The following TMEM266 variants were observed in gnomAD, a reference collection of about 807,000 sequenced individuals.
The protein encoded by TMEM266 is transmembrane protein 266.
Under a neutral mutation model 50.5 loss-of-function variants are expected in TMEM266, and 33 were observed. The ratio of observed to expected loss-of-function variants is 0.65; its 90% CI spans 0.50 to 0.87. TMEM266 has a LOEUF of 0.87. TMEM266 is among the 40% of genes least tolerant of loss of function. The pLI, the probability that TMEM266 is intolerant of heterozygous loss-of-function variation, is 0.00. For synonymous variants in TMEM266, 310 were observed against 292.3 expected, an observed-to-expected ratio of 1.06 and a Z score of -0.62; for missense variants, 655 against 695.1, an observed-to-expected ratio of 0.94 and a Z score of 0.65.
At chr15:76,169,977 T>A in intron 6 of TMEM266, 105 bp downstream of exon 6, 3 of 1,212,220 alleles carry the variant, frequency 2.5e-6, no homozygotes, top group Non-Finnish European at 3.6e-6. Flanking sequence ...GAAGGCTGGT[T>A]CCTTCTCCCA....
intron 1 of TMEM266, among the ~76,000 whole-genome samples, chr15:76,110,540 GGTTCT>G (rs2037155775): frequency 6.6e-6 from 1 of 152,136 alleles, no homozygotes. Flanking sequence ...TAGTAAGTTG[GGTTCT>G]GTTCAGAGCA....
At chr15:76,078,971 T>A (rs927823980) in intron 1 of TMEM266, among the ~76,000 whole-genome samples, 7 of 152,198 alleles carry the variant, frequency 4.6e-5, no homozygotes, top group African/African-American at 1.7e-4. Flanking sequence ...GTCTCTGTCT[T>A]CCTAAGGCCC....
chr15:76,182,263 A>T (rs556249228), intron 8 of TMEM266, among the ~76,000 whole-genome samples: 1 of 152,156 alleles, frequency 6.6e-6, no homozygotes, highest in South Asian at 2.1e-4. Flanking sequence ...GGGAAATTGG[A>T]GGTAACAAGG....
chr15:76,167,417 C>T (rs1178007281), intron 5 of TMEM266, among the ~76,000 whole-genome samples: 2 of 150,124 alleles, frequency 1.3e-5, no homozygotes, highest in East Asian at 3.9e-4. Context: ...TTGCAGTGAG[C>T]CAAGATCGTG....
Position 76,160,280 on chromosome 15 carries a change from T to C in TMEM266, c.456+112T>C. 3 of 1,082,514 alleles carry C rather than the reference T, an allele frequency of 2.8e-6. No homozygotes were observed. The highest frequency in any genetic ancestry group is 4.2e-6 in the Non-Finnish European group (3 of 714,978). The allele number at this position is 1,082,514 out of a possible 1,614,324, so 67.1% of individuals were successfully genotyped here. On this transcript the variant is annotated intron_variant, in intron 5 of 10. Transcript: ENST00000388942. The surrounding 1 kb of genome is among the most constrained non-coding windows in gnomAD (Gnocchi z 5.7). ...TAGCATCAGGTCCCCTGCTAGCCCT[T>C]GAGGCTGCTGGGAGGGAGACACAAT...
intron 3 of TMEM266, among the ~76,000 whole-genome samples, chr15:76,138,222 C>CAA (rs376580547): frequency 7.0e-4 from 50 of 71,852 alleles, no homozygotes; most frequent in East Asian, 9.7e-4. Flanking sequence ...AACTCTGTCT[C>CAA]AAAAAAAAAA....
In TMEM266 at chr15:76,196,419, G is replaced by A. The variant is rs565619360; in HGVS notation, c.958+4262G>A. Among the ~76,000 whole-genome samples the A allele has an allele frequency of 1.2e-4, 18 of 152,304 alleles. No individual in the cohort carries two copies. In the South Asian group the frequency reaches 2.9e-3, roughly 25 times the overall value. On this transcript the variant is annotated intron_variant, in intron 9 of 10. Transcript: ENST00000388942. ...AGGAACACACATGATTCACAGCCTC[G>A]CATGGTCCAGGGACACAGGGCATCC...
intron 1 of TMEM266, among the ~76,000 whole-genome samples, chr15:76,085,051 C>T (rs915245359): frequency 4.0e-5 from 6 of 151,756 alleles, no homozygotes; most frequent in South Asian, 2.1e-4. Flanking sequence ...GCTCCGCCTC[C>T]CAGGTTCACG....
At chr15:76,169,490 G>C (rs910348433) in intron 5 of TMEM266, among the ~76,000 whole-genome samples, 1 of 151,472 alleles carries the variant, frequency 6.6e-6, no homozygotes, top group Non-Finnish European at 1.5e-5. Flanking sequence ...AAGGTCCTAA[G>C]TATCCTTCCA....
chr15:76,121,221 G>C (rs2037339942), intron 1 of TMEM266, among the ~76,000 whole-genome samples: 1 of 152,134 alleles, frequency 6.6e-6, no homozygotes, highest in Non-Finnish European at 1.5e-5. Context: ...AAGCTGCAGA[G>C]AGGTTTAACT....
chr15:76,122,397 C>CT lies in TMEM266; in HGVS notation c.-96-11763dup, dbSNP rs201135459. On this transcript the variant is annotated intron_variant, in intron 1 of 10. Transcript: ENST00000388942. ...ATACAATGCAGGTAAAAAATGGGAT[C>CT]TTTTTTTTACAATCTTACCATATGT... 1.8e-3 allele frequency among the ~76,000 whole-genome samples: 275 copies of CT among 152,124 alleles called. 1 individual carries two copies. The highest frequency in any genetic ancestry group is 6.0e-3 in the African/African-American group (249 of 41,516).
At chr15:76,185,273 C>T (rs372907634) in intron 8 of TMEM266, among the ~76,000 whole-genome samples, 112 of 152,290 alleles carry the variant, frequency 7.4e-4, no homozygotes, top group Admixed American at 1.8e-3. Flanking sequence ...TTATGTCTCA[C>T]GTTTCTCTTA....
intron 1 of TMEM266, among the ~76,000 whole-genome samples, chr15:76,116,089 G>A (rs890357233): frequency 6.6e-6 from 1 of 152,078 alleles, no homozygotes; most frequent in South Asian, 2.1e-4. Flanking sequence ...CTAGCACCAC[G>A]TCCTTGCTTA....
intron 3 of TMEM266, among the ~76,000 whole-genome samples, chr15:76,152,675 A>G (rs1236439716): frequency 6.6e-6 from 1 of 152,058 alleles, no homozygotes; most frequent in Non-Finnish European, 1.5e-5. Flanking sequence ...CCTCACCCCC[A>G]TCAGCTTTCT....
At chr15:76,177,302 A>C (rs934781755) in intron 8 of TMEM266, among the ~76,000 whole-genome samples, 38 of 152,220 alleles carry the variant, frequency 2.5e-4, no homozygotes, top group African/African-American at 9.2e-4. Flanking sequence ...ATGTGTGTTC[A>C]GTGTATGTCG....
intron 1 of TMEM266, among the ~76,000 whole-genome samples, chr15:76,109,988 T>TTTTTCTTTTC (rs529607469): frequency 6.6e-6 from 1 of 151,668 alleles, no homozygotes; most frequent in East Asian, 1.9e-4. Context: ...TAAAAGTCAA[T>TTTTTCTTTTC]TTTTCTTTTC....
At chr15:76,200,452 G>C (rs910614179) in intron 9 of TMEM266, among the ~76,000 whole-genome samples, 7 of 152,238 alleles carry the variant, frequency 4.6e-5, no homozygotes, top group Non-Finnish European at 1.0e-4. Context: ...TGGCAGGCCA[G>C]TGGCAGCACA....
intron 10 of TMEM266, 97 bp from the exon 11 acceptor site, chr15:76,203,644 C>T (rs1567188146): frequency 4.3e-6 from 5 of 1,165,756 alleles, no homozygotes; most frequent in Non-Finnish European, 6.3e-6. Flanking sequence ...AGCCTAGCCA[C>T]ACTCATTGCC....
In TMEM266 at chr15:76,192,080, T is replaced by G; in HGVS notation, c.881T>G (p.Phe294Cys). The G allele has an allele frequency of 6.8e-7, 1 of 1,470,388 alleles. No homozygotes were observed. Among genetic ancestry groups the G allele is most frequent in the Non-Finnish European group, 9.0e-7 (1 of 1,115,480 alleles). 91.1% of individuals were successfully genotyped at this position (1,470,388 alleles called of 1,614,324 possible). A position where few individuals can be genotyped will look rare whatever the true frequency, so the allele number is the denominator to read the frequency against. ...GTGCTCAGCCAGCCGCGCAGCCGCT[T>G]CAAAGTGTTGGAGGCCGGCACGTGG... The change falls in exon 9 of 11, where the codon TTC becomes TGC. Residue 294 changes from phenylalanine to cysteine, a missense_variant. Around this residue, in one of 3 missense-constraint regions of TMEM266, gnomAD observed 455 missense variants for 401.8 expected, o/e 1.13. Transcript: ENST00000388942.
Sources: gnomAD v4.1 joint callset for allele counts (sites outside exome capture counted in the v4.1 genomes callset) on GRCh38, gnomAD v4.1.1 for gene constraint, gnomAD v4.1.1 regional missense constraint, Gnocchi (gnomAD v3.1) non-coding constraint, MANE v1.5 for transcripts, NCBI Gene and HGNC (gene_info 2026-07-23, HGNC 2026-07-21) for gene names.